The following ADCY2 variants were observed in gnomAD, a reference collection of about 807,000 sequenced individuals.
ADCY2 encodes adenylate cyclase 2.
In ADCY2, 31 loss-of-function variants were observed where a neutral mutation model predicts 125.2. The ratio of observed to expected loss-of-function variants is 0.25; its 90% CI spans 0.19 to 0.33. ADCY2 has a LOEUF of 0.33. Among genes scored for constraint, ADCY2 ranks in the 10% least tolerant of loss-of-function variants. The pLI, the probability that ADCY2 is intolerant of heterozygous loss-of-function variation, is 1.00. For missense variants in ADCY2, 904 were observed against 1,418.2 expected (o/e 0.64, Z 5.82); for synonymous variants, 512 against 548.4 (o/e 0.93, Z 0.93).
intron 18 of ADCY2, among the ~76,000 whole-genome samples, chr5:7,783,222 A>C (rs1398818740): frequency 6.6e-6 from 1 of 151,724 alleles, no homozygotes; most frequent in African/African-American, 2.4e-5. Context: ...GCCTCACCCC[A>C]CTCCCCTTCC....
chr5:7,507,409 C>T, intron 2 of ADCY2, among the ~76,000 whole-genome samples: 1 of 121,844 alleles, frequency 8.2e-6, no homozygotes, highest in Non-Finnish European at 1.7e-5. Context: ...CCACTGCACT[C>T]CAGCCTGGGC....
chr5:7,422,456 T>C (rs1740239711), intron 2 of ADCY2, among the ~76,000 whole-genome samples: 1 of 152,158 alleles, frequency 6.6e-6, no homozygotes, highest in Non-Finnish European at 1.5e-5. Flanking sequence ...CTGGAATGTC[T>C]TCTGCTCATT....
intron 4 of ADCY2, among the ~76,000 whole-genome samples, chr5:7,688,070 C>G (rs1440565099): frequency 1.3e-5 from 2 of 152,006 alleles, no homozygotes; most frequent in Non-Finnish European, 2.9e-5. Context: ...TAGCCTAGAT[C>G]CAGACCCGTA....
At chr5:7,438,648 C>T (rs191007842) in intron 2 of ADCY2, among the ~76,000 whole-genome samples, 1 of 152,294 alleles carries the variant, frequency 6.6e-6, no homozygotes, top group African/African-American at 2.4e-5. Context: ...TGCTTGCCCG[C>T]TGTATGTGAC....
chr5:7,824,373 G>A (rs1012727309), intron 24 of ADCY2, among the ~76,000 whole-genome samples: 1 of 152,122 alleles, frequency 6.6e-6, no homozygotes, highest in Non-Finnish European at 1.5e-5. Context: ...GCTGATTGGC[G>A]GGTGGTTCGG....
In ADCY2 at chr5:7,827,007, C is replaced by T; in HGVS notation, c.*136C>T. 2 of 1,065,670 alleles carry T rather than the reference C, an allele frequency of 1.9e-6. No homozygotes were observed. Among genetic ancestry groups the T allele is most frequent in the African/African-American group, 1.6e-5 (1 of 63,006 alleles). 66.0% of individuals were successfully genotyped at this position (1,065,670 alleles called of 1,614,324 possible). On this transcript the variant is annotated 3_prime_UTR_variant, in exon 25 of 25. Transcript: ENST00000338316. The stretch of plus-strand genomic sequence containing the variant: ...AGCCTCTGCAGACTCGTTCTCGTGA[C>T]CCAGTGGCATACCGTTTGGTGTCTG...
intron 3 of ADCY2, among the ~76,000 whole-genome samples, chr5:7,590,388 T>C (rs559111218): frequency 6.6e-6 from 1 of 152,304 alleles, no homozygotes; most frequent in Non-Finnish European, 1.5e-5. Flanking sequence ...TGCTGCGAAA[T>C]TAGATTACAT....
chr5:7,481,518 C>T (rs899016883), intron 2 of ADCY2, among the ~76,000 whole-genome samples: 1 of 152,108 alleles, frequency 6.6e-6, no homozygotes, highest in Non-Finnish European at 1.5e-5. Context: ...CCGCTTGCCT[C>T]GGCCTCCCAA....
intron 2 of ADCY2, among the ~76,000 whole-genome samples, chr5:7,487,009 C>T (rs1482955887): frequency 1.3e-5 from 2 of 152,226 alleles, no homozygotes; most frequent in African/African-American, 4.8e-5. Context: ...GTGGCAGTGT[C>T]ATGGACACAG....
At chr5:7,760,219 C>T (rs904412424) in intron 16 of ADCY2, among the ~76,000 whole-genome samples, 4 of 152,206 alleles carry the variant, frequency 2.6e-5, no homozygotes, top group African/African-American at 4.8e-5. Flanking sequence ...ATGGGTTTTT[C>T]GGGCTCGACT....
intron 19 of ADCY2, among the ~76,000 whole-genome samples, chr5:7,787,073 C>T (rs934890323): frequency 2.0e-5 from 3 of 152,182 alleles, no homozygotes; most frequent in African/African-American, 4.8e-5. Flanking sequence ...TTCGGTGTCT[C>T]TTCATGGGAT....
In ADCY2 at chr5:7,816,977, G is replaced by A; in HGVS notation, c.2995G>A (p.Val999Met). ...CTCCTTCAACGACTTCAAATTGCGA[G>A]TGGGTACGTTCTGCAAAAGAGGTCT... is the stretch of plus-strand genomic sequence containing the variant. ...KHSFNDFKLR[V>M]GINHGPVIAG... The change falls in exon 23 of 25, where the codon GTG becomes ATG. Residue 999 changes from valine (V) to methionine (M), a missense_variant. This residue lies in a region of ADCY2 where 181 missense variants were observed against 381.6 expected (regional missense o/e 0.47). Coordinates refer to ENST00000338316, the MANE Select transcript of ADCY2 (RefSeq NM_020546.3). 1 of 1,613,720 alleles carries A rather than the reference G, an allele frequency of 6.2e-7. No homozygotes were observed. The highest frequency in any genetic ancestry group is 8.5e-7 in the Non-Finnish European group (1 of 1,179,614).
intron 3 of ADCY2, among the ~76,000 whole-genome samples, chr5:7,558,643 T>C (rs1376008359): frequency 6.6e-6 from 1 of 152,212 alleles, no homozygotes; most frequent in African/African-American, 2.4e-5. Context: ...GTTTGTTTTC[T>C]CCATTGATAG....
chr5:7,625,156 A>G (rs1157217811), intron 3 of ADCY2, among the ~76,000 whole-genome samples: 1 of 152,280 alleles, frequency 6.6e-6, no homozygotes, highest in Non-Finnish European at 1.5e-5. Context: ...GTTGACCACT[A>G]TAGCATAATG....
intron 7 of ADCY2, among the ~76,000 whole-genome samples, chr5:7,702,913 C>T (rs1458727942): frequency 1.3e-5 from 2 of 152,144 alleles, no homozygotes; most frequent in East Asian, 1.9e-4. Context: ...TTTTAATGAT[C>T]GCCATTCTGA....
At chr5:7,778,719 C>T (rs116283078) in intron 18 of ADCY2, among the ~76,000 whole-genome samples, 2,126 of 152,170 alleles carry the variant, frequency 0.014, 44 homozygotes, top group African/African-American at 0.049. Context: ...CATGGAAATC[C>T]CAATGGCTGG....
chr5:7,775,213 GCACA>G (rs1743683124), intron 18 of ADCY2, among the ~76,000 whole-genome samples: 1 of 144,926 alleles, frequency 6.9e-6, no homozygotes, highest in South Asian at 2.2e-4. Flanking sequence ...GTGTGTGTAT[GCACA>G]CACATACATA....
chr5:7,547,826 G>A (rs968841068), intron 3 of ADCY2, among the ~76,000 whole-genome samples: 1 of 152,204 alleles, frequency 6.6e-6, no homozygotes, highest in African/African-American at 2.4e-5. Flanking sequence ...CAGACTTCTT[G>A]CGGAGGGACT....
At chr5:7,483,428 A>T (rs12188468) in intron 2 of ADCY2, among the ~76,000 whole-genome samples, 94,848 of 151,708 alleles carry the variant, frequency 0.63, 29,963 homozygotes, top group African/African-American at 0.71. Flanking sequence ...AAAAAAAAAA[A>T]GCATTTCATC....
Sources: allele counts gnomAD v4.1 joint callset (sites outside exome capture counted in the v4.1 genomes callset), GRCh38; gene constraint gnomAD v4.1.1; regional missense constraint gnomAD v4.1.1; transcripts MANE v1.5; gene names NCBI Gene and HGNC (gene_info 2026-07-23, HGNC 2026-07-21).